The following BCAP29 variants were observed in gnomAD, a reference collection of about 807,000 sequenced individuals.
BCAP29 encodes the protein B cell receptor associated protein 29.
A neutral mutation model predicts 31.8 loss-of-function variants in BCAP29; 34 were observed. The ratio of observed to expected loss-of-function variants is 1.07; its 90% CI spans 0.81 to 1.42. BCAP29 has a LOEUF of 1.42. Among genes scored for constraint, BCAP29 ranks in the 40% most tolerant of loss-of-function variants. The pLI is 0.00. For synonymous variants in BCAP29, 104 were observed against 91.3 expected, an observed-to-expected ratio of 1.14 and a Z score of -0.79; for missense variants, 314 against 269.2, an observed-to-expected ratio of 1.17 and a Z score of -1.16.
chr7:107,622,495 C>T (rs1443745318), downstream of BCAP29: 1 of 153,192 alleles, frequency 6.5e-6, no homozygotes, highest in Non-Finnish European at 1.5e-5. Flanking sequence ...TTTCCCCTGT[C>T]AGTACGTTTG....
chr7:107,610,844 C>A (rs539617875), intron 6 of BCAP29, among the ~76,000 whole-genome samples: 1 of 152,218 alleles, frequency 6.6e-6, no homozygotes, highest in South Asian at 2.1e-4. Flanking sequence ...TTCTTAATGT[C>A]AGAAATTCAA....
chr7:107,613,310 A>G (rs1813565619), intron 6 of BCAP29, 22 bp from the exon 7 acceptor site: 1 of 1,532,334 alleles, frequency 6.5e-7, no homozygotes, highest in Non-Finnish European at 9.0e-7. Context: ...AAATAAAAAT[A>G]AAACTATTCG....
rs762893782 is a variant in BCAP29 at position 107,618,613 on chromosome 7, A to G, written c.*250A>G. 4 of 1,561,868 alleles carry G rather than the reference A, an allele frequency of 2.6e-6. No individual in the cohort carries two copies. The highest frequency in any genetic ancestry group is 3.5e-6 in the Non-Finnish European group (4 of 1,145,798). On this transcript the variant is annotated 3_prime_UTR_variant, in exon 8 of 8. Transcript: ENST00000005259. ...ACCATATTTACATATTGATAATGTCATTGGTATATGGTGGCTGTTTACCAA... is the reference window on the plus strand; with the variant it reads ...ACCATATTTACATATTGATAATGTCGTTGGTATATGGTGGCTGTTTACCAA...
At chr7:107,613,929 C>T (rs1418752760) in intron 7 of BCAP29, among the ~76,000 whole-genome samples, 1 of 152,202 alleles carries the variant, frequency 6.6e-6, no homozygotes, top group Admixed American at 6.5e-5. Context: ...GTTAAAGCCA[C>T]AAAGTCAGAT....
chr7:107,611,553 G>A (rs955398151), intron 6 of BCAP29, among the ~76,000 whole-genome samples: 1 of 152,048 alleles, frequency 6.6e-6, no homozygotes, highest in African/African-American at 2.4e-5. Context: ...CTTTTTTGCT[G>A]AGCTCTGAAG....
chr7:107,595,444 A>G (rs1809639418), intron 4 of BCAP29, among the ~76,000 whole-genome samples: 2 of 152,164 alleles, frequency 1.3e-5, no homozygotes, highest in South Asian at 4.1e-4. Flanking sequence ...TCTTCTAACA[A>G]TGGCAGTTAC....
At chr7:107,602,856 A>T (rs1055449300) in intron 6 of BCAP29, among the ~76,000 whole-genome samples, 1 of 151,958 alleles carries the variant, frequency 6.6e-6, no homozygotes, top group African/African-American at 2.4e-5. Context: ...TCACCCTAGC[A>T]CAGACATTGC....
rs1018691243 is a variant in BCAP29, at chr7:107,580,553, G to T, written c.-14-206G>T. The T allele has an allele frequency of 1.1e-5, 5 of 469,894 alleles. No homozygotes were observed. The East Asian group carries it at 1.5e-4, about 14-fold the overall frequency. 29.1% of individuals were successfully genotyped at this position (469,894 alleles called of 1,614,324 possible). A position where few individuals can be genotyped will look rare whatever the true frequency, so the allele number is the denominator to read the frequency against. ...AAGGCAGTGGCCAGCGAGCCGCCTC[G>T]CCAGTTCCCACGACTCCCAGGGAGG... On this transcript the variant is annotated intron_variant, in intron 1 of 7. Transcript: ENST00000005259.
intron 5 of BCAP29, among the ~76,000 whole-genome samples, chr7:107,599,549 TGCCTGCC>T (rs1335010509): frequency 6.7e-6 from 1 of 149,090 alleles, no homozygotes; most frequent in Non-Finnish European, 1.5e-5. Context: ...AAAAAGTAGC[TGCCTGCC>T]TCTTTATTTA....
At chr7:107,609,501 C>T (rs763648587) in intron 6 of BCAP29, among the ~76,000 whole-genome samples, 1 of 152,144 alleles carries the variant, frequency 6.6e-6, no homozygotes, top group Non-Finnish European at 1.5e-5. Flanking sequence ...TATAAAGGAA[C>T]TTAACAGCTA....
Position 107,620,174 on chromosome 7 carries a change from A to G in BCAP29, c.*1811A>G, listed in dbSNP as rs1192684310. On this transcript the variant is annotated 3_prime_UTR_variant, in exon 8 of 8. Transcript: ENST00000005259. ...TACAAGTCTGAAACTTTAGACATCA[A>G]AAGTTTGAGCAGTTTTTCCAAGGCA... 2 of 152,206 alleles carry G rather than the reference A, an allele frequency of 1.3e-5. No homozygotes were observed. Among genetic ancestry groups the G allele is most frequent in the Admixed American group, 1.3e-4 (2 of 15,286 alleles). The allele number at this position is 152,206 out of a possible 1,614,324, so 9.4% of individuals were successfully genotyped here. A position where few individuals can be genotyped will look rare whatever the true frequency, so the allele number is the denominator to read the frequency against.
intron 1 of BCAP29, 138 bp from the exon 2 acceptor site, chr7:107,580,621 C>A: frequency 1.7e-6 from 1 of 604,026 alleles, no homozygotes; most frequent in Non-Finnish European, 2.8e-6. Flanking sequence ...CCCTTCCTGA[C>A]CGGGGTCCGT....
intron 6 of BCAP29, among the ~76,000 whole-genome samples, chr7:107,601,462 T>C (rs1811163165): frequency 6.6e-6 from 1 of 152,218 alleles, no homozygotes; most frequent in Non-Finnish European, 1.5e-5. Context: ...TTCCTCCTTA[T>C]TATTTCAAGT....
chr7:107,583,709 T>G (rs1807116867), intron 2 of BCAP29, among the ~76,000 whole-genome samples, 173 bp from the exon 3 acceptor site: 1 of 152,164 alleles, frequency 6.6e-6, no homozygotes, highest in South Asian at 2.1e-4. Context: ...TTGAAAGAGT[T>G]GTTTTTTAAT....
At chr7:107,616,545 G>C (rs1357394052) in intron 7 of BCAP29, among the ~76,000 whole-genome samples, 2 of 152,084 alleles carry the variant, frequency 1.3e-5, no homozygotes, top group African/African-American at 4.8e-5. Context: ...CTTAAATAAA[G>C]GTTGTAATAC....
chr7:107,595,279 C>G (rs1308086069), intron 4 of BCAP29, among the ~76,000 whole-genome samples: 5 of 152,164 alleles, frequency 3.3e-5, no homozygotes, highest in Non-Finnish European at 1.5e-5. Context: ...ACTGTTTTAA[C>G]TTTTGCTTCC....
intron 6 of BCAP29, among the ~76,000 whole-genome samples, 191 bp downstream of exon 6, chr7:107,600,696 T>C (rs547710955): frequency 9.8e-5 from 15 of 152,374 alleles, no homozygotes; most frequent in Non-Finnish European, 2.1e-4. Flanking sequence ...TGCTCTGTTA[T>C]ACAGAAAAAC....
intron 6 of BCAP29, among the ~76,000 whole-genome samples, chr7:107,612,391 T>TTATATATATATATATATA (rs36213596): frequency 3.2e-5 from 1 of 30,880 alleles, no homozygotes. Context: ...ATGTATTGTT[T>TTATATATATATATATATA]TATATATATA....
At chr7:107,612,886 TAAAG>T (rs1400609539) in intron 6 of BCAP29, among the ~76,000 whole-genome samples, 1 of 151,986 alleles carries the variant, frequency 6.6e-6, no homozygotes, top group Non-Finnish European at 1.5e-5. Flanking sequence ...TAAAAGAAAT[TAAAG>T]AGATATGATA....
Sources: allele counts gnomAD v4.1 joint callset (sites outside exome capture counted in the v4.1 genomes callset), GRCh38; gene constraint gnomAD v4.1.1; transcripts MANE v1.5; gene names NCBI Gene and HGNC (gene_info 2026-07-23, HGNC 2026-07-21).